KCTD1: variants seen among roughly 807,000 people sequenced by gnomAD.
KCTD1 encodes potassium channel tetramerization domain containing 1, also known as BTB/POZ domain-containing protein KCTD1.
In KCTD1, 24 loss-of-function variants were observed where a neutral mutation model predicts 66.0. That is an observed-to-expected ratio of 0.36 (90% CI 0.26 to 0.51). The LOEUF is 0.51. Ranked by LOEUF, KCTD1 falls within the 20% of genes least tolerant of loss-of-function variation. KCTD1 has a pLI of 0.95. For synonymous variants in KCTD1, 511 were observed against 517.2 expected, an observed-to-expected ratio of 0.99 and a Z score of 0.16; for missense variants, 943 against 1,205.2, an observed-to-expected ratio of 0.78 and a Z score of 3.22.
At chr18:26,591,128 C>T (rs910915639) in intron 1 of KCTD1, among the ~76,000 whole-genome samples, 1 of 152,196 alleles carries the variant, frequency 6.6e-6, no homozygotes, top group Middle Eastern at 3.4e-3. Context: ...TGGCCTCAAG[C>T]CATCCTCCTG....
chr18:26,650,909 A>G (rs577028006), intron 1 of KCTD1, among the ~76,000 whole-genome samples: 1 of 152,386 alleles, frequency 6.6e-6, no homozygotes, highest in South Asian at 2.1e-4. Context: ...TCTTCAGTTC[A>G]TAACTCTTCT....
chr18:26,643,707 A>G (rs1346782260), upstream of KCTD1, among the ~76,000 whole-genome samples: 1 of 152,228 alleles, frequency 6.6e-6, no homozygotes. Flanking sequence ...TCACGCCTGT[A>G]ATCCCAGCAC....
chr18:26,552,842 A>G (rs1288517551), upstream of KCTD1, among the ~76,000 whole-genome samples: 2 of 152,296 alleles, frequency 1.3e-5, no homozygotes, highest in East Asian at 3.9e-4. Context: ...CATTTAGTTC[A>G]TCATTTTAAA....
Position 26,547,584 on chromosome 18 carries a change from AAGT to A in KCTD1, c.950_952del (p.Tyr317del). The A allele has an allele frequency of 6.4e-7, 1 of 1,551,516 alleles. No homozygotes were observed. Among genetic ancestry groups the A allele is most frequent in the Non-Finnish European group, 8.7e-7 (1 of 1,146,872 alleles). ...CTGGTTCTCGCGGCCGCGGGTACAG[AAGT>A]ACATGCACGTCTCGAACCAGACCTT... On this transcript the variant is annotated inframe_deletion, in exon 1 of 5. Coordinates refer to ENST00000580059, the MANE Select transcript of KCTD1 (RefSeq NM_001142730.3).
At chr18:26,603,536 T>C (rs2144975083) in intron 1 of KCTD1, among the ~76,000 whole-genome samples, 1 of 150,582 alleles carries the variant, frequency 6.6e-6, no homozygotes, top group Non-Finnish European at 1.5e-5. Context: ...AGGCCAGGAG[T>C]TCAAGACCAG....
chr18:26,495,526 A>G (rs1344414435), intron 2 of KCTD1, among the ~76,000 whole-genome samples: 2 of 152,152 alleles, frequency 1.3e-5, no homozygotes, highest in Admixed American at 6.5e-5. Flanking sequence ...ATGGGTGTTG[A>G]CTGCAAGGCT....
At chr18:26,460,054 CT>C (rs1980335310) in intron 3 of KCTD1, 129 bp from the exon 4 acceptor site, 2 of 686,206 alleles carry the variant, frequency 2.9e-6, no homozygotes, top group Non-Finnish European at 4.9e-6. Context: ...GCGTTTTTCA[CT>C]TACGACATGT....
rs961020789 is a variant in KCTD1, at chr18:26,476,186, G to A, written c.2133+329C>T. On this transcript the variant is annotated intron_variant, in intron 3 of 4. Coordinates refer to ENST00000580059, the MANE Select transcript of KCTD1 (RefSeq NM_001142730.3). This position sits in a 1 kb window ranked among gnomAD's most constrained non-coding sequence, Gnocchi z 4.9. Reference sequence around the variant, plus strand: ...GCTTTCGATTTCTAGGGGCGGGGACGGGGAAGTCTTCATTAAGCTAAGGAG... The same window carrying A: ...GCTTTCGATTTCTAGGGGCGGGGACAGGGAAGTCTTCATTAAGCTAAGGAG... Among the ~76,000 whole-genome samples, 10 of 152,132 alleles carry A rather than the reference G, an allele frequency of 6.6e-5. No individual in the cohort carries two copies. The highest frequency in any genetic ancestry group is 1.9e-4 in the East Asian group (1 of 5,202).
chr18:26,609,997 C>T (rs1987099172), intron 1 of KCTD1, among the ~76,000 whole-genome samples: 1 of 111,350 alleles, frequency 9.0e-6, no homozygotes, highest in Non-Finnish European at 1.8e-5. Flanking sequence ...AAATACTGAA[C>T]ATTTAACAAG....
chr18:26,582,514 T>C (rs181448074), intron 1 of KCTD1, among the ~76,000 whole-genome samples: 3 of 152,342 alleles, frequency 2.0e-5, no homozygotes, highest in East Asian at 3.9e-4. Context: ...TTAAAGTGCA[T>C]ATACCCTTTG....
At chr18:26,617,680 G>A (rs911504062) in intron 1 of KCTD1, among the ~76,000 whole-genome samples, 6 of 152,056 alleles carry the variant, frequency 3.9e-5, no homozygotes, top group East Asian at 1.9e-4. Context: ...TGTATAATGC[G>A]GTGTCCAAAT....
At chr18:26,599,461 C>T in intron 1 of KCTD1, 1 of 1,610,818 alleles carries the variant, frequency 6.2e-7, no homozygotes. Context: ...TGGGATAAGT[C>T]ATCCCCAGTG....
chr18:26,651,182 G>C (rs1332112751), intron 1 of KCTD1, among the ~76,000 whole-genome samples: 1 of 152,210 alleles, frequency 6.6e-6, no homozygotes, highest in Non-Finnish European at 1.5e-5. Context: ...TGGGGGCGAA[G>C]AGAGAACAGG....
intron 1 of KCTD1, chr18:26,600,418 C>T: frequency 3.9e-6 from 3 of 771,424 alleles, no homozygotes; most frequent in Non-Finnish European, 6.8e-6. Flanking sequence ...TGTCTCCTCC[C>T]ACCTCCTCTG....
At chr18:26,466,018 G>A (rs568520901) in intron 3 of KCTD1, among the ~76,000 whole-genome samples, 1 of 147,512 alleles carries the variant, frequency 6.8e-6, no homozygotes, top group African/African-American at 2.6e-5. Context: ...AAACTCTGGC[G>A]AGTGGGGGCC....
chr18:26,469,333 G>A (rs1188128358), intron 3 of KCTD1, among the ~76,000 whole-genome samples: 1 of 152,160 alleles, frequency 6.6e-6, no homozygotes, highest in Non-Finnish European at 1.5e-5. Context: ...TCCTAGGCAG[G>A]TGGGTGGGTG....
intron 1 of KCTD1, among the ~76,000 whole-genome samples, chr18:26,648,681 T>G (rs559096013): frequency 2.6e-5 from 4 of 152,350 alleles, no homozygotes; most frequent in Non-Finnish European, 4.4e-5. Flanking sequence ...TGGAAGGTGC[T>G]TAATAATTAT....
intron 2 of KCTD1, among the ~76,000 whole-genome samples, chr18:26,487,952 T>G (rs1372613012): frequency 6.6e-6 from 1 of 152,214 alleles, no homozygotes; most frequent in Non-Finnish European, 1.5e-5. Flanking sequence ...ATTGAAAAGT[T>G]TTAGTAGTAG....
Position 26,476,782 on chromosome 18 carries a change from C to A in KCTD1, c.1989-123G>T. ...TGAAGATGGCAGTAGGGAAAAATTA[C>A]GATTGTCTGCAAAGTGTTGGTCCCC... On this transcript the variant is annotated intron_variant, in intron 2 of 4. Coordinates refer to ENST00000580059, the MANE Select transcript of KCTD1 (RefSeq NM_001142730.3). The surrounding 1 kb of genome is among the most constrained non-coding windows in gnomAD (Gnocchi z 4.9). 1.3e-6 allele frequency: 1 copy of A among 775,884 alleles called. No homozygotes were observed. The highest frequency in any genetic ancestry group is 1.7e-5 in the South Asian group (1 of 60,082). The allele number at this position is 775,884 out of a possible 1,614,324, so 48.1% of individuals were successfully genotyped here.
Sources: gnomAD v4.1 joint callset for allele counts (sites outside exome capture counted in the v4.1 genomes callset) on GRCh38, gnomAD v4.1.1 for gene constraint, Gnocchi (gnomAD v3.1) non-coding constraint, MANE v1.5 for transcripts, NCBI Gene and HGNC (gene_info 2026-07-23, HGNC 2026-07-21) for gene names.